The following MNAT1 variants were observed in gnomAD, a reference collection of about 807,000 sequenced individuals.
The protein encoded by MNAT1 is MNAT1 component of CDK activating kinase.
MNAT1 carries 43 observed loss-of-function variants against 42.0 expected under a neutral mutation model. The ratio of observed to expected loss-of-function variants is 1.02; its 90% CI spans 0.80 to 1.32. MNAT1 has a LOEUF of 1.32. MNAT1 is among the 40% of genes most tolerant of loss of function. The pLI is 0.00. For missense variants in MNAT1, 306 were observed against 350.4 expected, an observed-to-expected ratio of 0.87 and a Z score of 1.01; for synonymous variants, 118 against 120.0, an observed-to-expected ratio of 0.98 and a Z score of 0.11.
At chr14:60,803,880 A>T (rs1302481449) in intron 3 of MNAT1, among the ~76,000 whole-genome samples, 1 of 152,220 alleles carries the variant, frequency 6.6e-6, no homozygotes, top group African/African-American at 2.4e-5. Flanking sequence ...AGGGGCACAC[A>T]TGAAGATGGA....
intron 6 of MNAT1, among the ~76,000 whole-genome samples, 172 bp downstream of exon 6, chr14:60,819,019 A>G (rs903926076): frequency 6.6e-6 from 1 of 152,134 alleles, no homozygotes; most frequent in African/African-American, 2.4e-5. Context: ...AAGTGAAACA[A>G]ATAATTTTCA....
chr14:60,784,159 C>T (rs955498704), intron 1 of MNAT1, among the ~76,000 whole-genome samples: 2 of 147,896 alleles, frequency 1.4e-5, no homozygotes, highest in South Asian at 2.2e-4. Context: ...ATTACAGATA[C>T]GTGCCACCAT....
intron 1 of MNAT1, among the ~76,000 whole-genome samples, chr14:60,773,287 G>A (rs560555182): frequency 8.5e-4 from 129 of 152,232 alleles, no homozygotes; most frequent in Non-Finnish European, 1.4e-3. Context: ...GAGAAACTTT[G>A]AGAGTTGGAG....
intron 1 of MNAT1, among the ~76,000 whole-genome samples, chr14:60,756,523 G>A (rs2030357474): frequency 6.6e-6 from 1 of 152,176 alleles, no homozygotes; most frequent in African/African-American, 2.4e-5. Flanking sequence ...ATACTTCACA[G>A]TGTCTTATGG....
chr14:60,928,793 C>T (rs898721616), intron 7 of MNAT1, among the ~76,000 whole-genome samples: 1 of 151,390 alleles, frequency 6.6e-6, no homozygotes, highest in Admixed American at 6.6e-5. Context: ...AAAGCACTTG[C>T]CATATATATA....
chr14:60,964,313 G>A (rs1360780862), intron 7 of MNAT1, among the ~76,000 whole-genome samples: 1 of 152,154 alleles, frequency 6.6e-6, no homozygotes. Flanking sequence ...TCCAAGGTCT[G>A]TTTGAAAGGG....
chr14:60,902,308 A>T (rs7155205), intron 7 of MNAT1, among the ~76,000 whole-genome samples: 140,703 of 152,220 alleles, frequency 0.92, 65,567 homozygotes, highest in Non-Finnish European at 0.99. Flanking sequence ...AAGACTGTCA[A>T]ATTGATGGTC....
chr14:60,878,387 G>A (rs2034478147), intron 6 of MNAT1, among the ~76,000 whole-genome samples: 1 of 151,902 alleles, frequency 6.6e-6, no homozygotes, highest in South Asian at 2.1e-4. Context: ...ATTTTTTGAG[G>A]TTAGGAAACA....
intron 1 of MNAT1, among the ~76,000 whole-genome samples, chr14:60,756,556 A>C (rs1366742710): frequency 6.6e-6 from 1 of 152,182 alleles, no homozygotes; most frequent in Non-Finnish European, 1.5e-5. Context: ...TTAACAGTTA[A>C]GCTGGAGGAT....
intron 1 of MNAT1, among the ~76,000 whole-genome samples, chr14:60,765,881 C>G (rs1026927701): frequency 3.3e-5 from 5 of 152,030 alleles, no homozygotes; most frequent in African/African-American, 1.2e-4. Flanking sequence ...CAAAATCTGC[C>G]TCTATAAATT....
At chr14:60,754,232 G>A (rs536300794) in intron 1 of MNAT1, among the ~76,000 whole-genome samples, 21 of 152,094 alleles carry the variant, frequency 1.4e-4, no homozygotes, top group African/African-American at 4.8e-4. Flanking sequence ...TGCAGCAACA[G>A]ATAACTAATA....
chr14:60,800,240 T>C (rs781281926), intron 3 of MNAT1, among the ~76,000 whole-genome samples: 7 of 152,166 alleles, frequency 4.6e-5, no homozygotes, highest in Non-Finnish European at 1.0e-4. Context: ...CTCAGGTTTT[T>C]AAGTCACTTC....
At chr14:60,879,410 A>G (rs528317389) in intron 6 of MNAT1, among the ~76,000 whole-genome samples, 1 of 152,302 alleles carries the variant, frequency 6.6e-6, no homozygotes, top group South Asian at 2.1e-4. Context: ...TATTTTTCAT[A>G]AACTTTTTGA....
intron 6 of MNAT1, among the ~76,000 whole-genome samples, chr14:60,875,425 G>C (rs1358786798): frequency 6.6e-6 from 1 of 152,020 alleles, no homozygotes; most frequent in Non-Finnish European, 1.5e-5. Flanking sequence ...TTTACAATCT[G>C]ACAGACTTGG....
chr14:60,930,580 C>T (rs2035864750), intron 7 of MNAT1, among the ~76,000 whole-genome samples: 1 of 152,036 alleles, frequency 6.6e-6, no homozygotes, highest in African/African-American at 2.4e-5. Flanking sequence ...GTCATATAAA[C>T]AAGACATAAG....
intron 6 of MNAT1, among the ~76,000 whole-genome samples, chr14:60,857,289 C>G (rs745322997): frequency 2.6e-5 from 4 of 152,132 alleles, no homozygotes; most frequent in Non-Finnish European, 5.9e-5. Context: ...AATTCCAACC[C>G]CCATGGAAGG....
intron 7 of MNAT1, among the ~76,000 whole-genome samples, chr14:60,887,407 A>T (rs1377664144): frequency 2.0e-5 from 2 of 101,858 alleles, no homozygotes; most frequent in African/African-American, 7.9e-5. Context: ...ACCCCACAAC[A>T]GTCCCCAGAG....
Position 60,937,308 on chromosome 14 carries a change from A to G in MNAT1, c.810-30921A>G, listed in dbSNP as rs947352457. ...AAACATGAAGTCCTTGCCCATGCCTATGTCCTGAATGGTATTGCCTAGATT... is the reference window on the plus strand; with the variant it reads ...AAACATGAAGTCCTTGCCCATGCCTGTGTCCTGAATGGTATTGCCTAGATT... On this transcript the variant is annotated intron_variant, in intron 7 of 7. Coordinates refer to ENST00000261245, the MANE Select transcript of MNAT1 (RefSeq NM_002431.4). 3.5e-4 allele frequency among the ~76,000 whole-genome samples: 54 copies of G among 152,172 alleles called. 1 individual carries two copies. Among genetic ancestry groups the G allele is most frequent in the Non-Finnish European group, 2.8e-4 (19 of 68,042 alleles).
At chr14:60,773,421 G>A (rs575725471) in intron 1 of MNAT1, among the ~76,000 whole-genome samples, 2 of 152,180 alleles carry the variant, frequency 1.3e-5, no homozygotes, top group East Asian at 3.9e-4. Context: ...TGATCACTGT[G>A]TTCATGGAAT....
Sources: allele counts gnomAD v4.1 joint callset (sites outside exome capture counted in the v4.1 genomes callset), GRCh38; gene constraint gnomAD v4.1.1; transcripts MANE v1.5; gene names NCBI Gene and HGNC (gene_info 2026-07-23, HGNC 2026-07-21).